Variants in SPAG16 observed in about 807,000 individuals in gnomAD.
SPAG16 encodes the protein sperm associated antigen 16, also known as sperm-associated antigen 16 protein.
A neutral mutation model predicts 80.4 loss-of-function variants in SPAG16; 86 were observed. That is an observed-to-expected ratio of 1.07 (90% CI 0.90 to 1.28). The LOEUF (loss-of-function observed/expected upper bound fraction) is 1.28, where lower values mean the gene tolerates loss of function less well. SPAG16 is among the 50% of genes most tolerant of loss of function. The probability of loss-of-function intolerance (pLI) is 0.00; values close to 1 mark genes in which losing one functional copy is unlikely to be tolerated. For missense variants in SPAG16, 870 were observed against 765.3 expected (o/e 1.14, Z -1.61); for synonymous variants, 294 against 265.9 (o/e 1.11, Z -1.03).
At chr2:213,381,098 T>C (rs2067150419) in intron 9 of SPAG16, among the ~76,000 whole-genome samples, 1 of 64,136 alleles carries the variant, frequency 1.6e-5, no homozygotes, top group Non-Finnish European at 3.5e-5. Flanking sequence ...TAAAATAGAC[T>C]TATACCACAA....
chr2:213,465,553 A>T (rs753789799), intron 9 of SPAG16, among the ~76,000 whole-genome samples: 36 of 152,182 alleles, frequency 2.4e-4, no homozygotes, highest in African/African-American at 3.9e-4. Flanking sequence ...GGAGAGCCAG[A>T]TTCTTAACTG....
intron 11 of SPAG16, among the ~76,000 whole-genome samples, chr2:213,883,972 C>T (rs968011178): frequency 6.6e-6 from 1 of 152,156 alleles, no homozygotes; most frequent in Non-Finnish European, 1.5e-5. Flanking sequence ...CCACCACTCT[C>T]TGCCTTTTAA....
intron 10 of SPAG16, among the ~76,000 whole-genome samples, chr2:213,642,290 A>G (rs1260676999): frequency 6.6e-6 from 1 of 152,170 alleles, no homozygotes; most frequent in Non-Finnish European, 1.5e-5. Flanking sequence ...AAAGTTCACA[A>G]TGTGAATCTC....
At chr2:213,473,990 T>G (rs1316255402) in intron 9 of SPAG16, among the ~76,000 whole-genome samples, 2 of 152,184 alleles carry the variant, frequency 1.3e-5, no homozygotes, top group African/African-American at 4.8e-5. Flanking sequence ...AAGTCATCAC[T>G]GTTGCTTCAG....
intron 10 of SPAG16, among the ~76,000 whole-genome samples, chr2:213,782,688 A>G (rs2070072657): frequency 1.3e-5 from 2 of 152,186 alleles, no homozygotes; most frequent in Non-Finnish European, 2.9e-5. Context: ...ACAGATGAGA[A>G]ACTGAAGGCC....
intron 3 of SPAG16, among the ~76,000 whole-genome samples, chr2:213,308,495 A>G (rs1169818663): frequency 6.6e-6 from 1 of 152,120 alleles, no homozygotes; most frequent in Non-Finnish European, 1.5e-5. Context: ...AATATGATTT[A>G]GTGTTATTCA....
At chr2:214,409,575 T>C (rs757401908) in intron 15 of SPAG16, among the ~76,000 whole-genome samples, 3 of 152,136 alleles carry the variant, frequency 2.0e-5, no homozygotes, top group Non-Finnish European at 2.9e-5. Context: ...GTAAAAACTC[T>C]CAAGTCATTT....
intron 15 of SPAG16, among the ~76,000 whole-genome samples, chr2:214,274,487 G>A (rs1048843102): frequency 1.3e-5 from 2 of 152,152 alleles, no homozygotes; most frequent in Non-Finnish European, 2.9e-5. Context: ...CTAGTTTATT[G>A]AGAGTTTTTA....
chr2:213,867,795 G>T (rs1311216004), intron 11 of SPAG16, among the ~76,000 whole-genome samples: 1 of 151,490 alleles, frequency 6.6e-6, no homozygotes, highest in African/African-American at 2.4e-5. Context: ...GTGGTGGCGG[G>T]CACCTGTAGT....
intron 10 of SPAG16, among the ~76,000 whole-genome samples, chr2:213,510,483 G>C (rs1236141982): frequency 4.6e-5 from 7 of 151,984 alleles, no homozygotes; most frequent in Non-Finnish European, 1.5e-5. Flanking sequence ...ACTTTCAATT[G>C]TGAATCTTTA....
intron 10 of SPAG16, among the ~76,000 whole-genome samples, chr2:213,528,452 T>C (rs983645799): frequency 1.3e-5 from 2 of 151,920 alleles, no homozygotes; most frequent in Non-Finnish European, 1.5e-5. Context: ...ATATATAGTA[T>C]GTAACAGATG....
intron 15 of SPAG16, chr2:214,238,854 G>A (rs1368531682): frequency 6.6e-6 from 1 of 151,984 alleles, no homozygotes; most frequent in Non-Finnish European, 1.5e-5. Context: ...TAGGAATAAA[G>A]GATATGTGAT....
At chr2:213,738,610 A>C (rs577349375) in intron 10 of SPAG16, among the ~76,000 whole-genome samples, 1 of 152,376 alleles carries the variant, frequency 6.6e-6, no homozygotes, top group African/African-American at 2.4e-5. Context: ...AGGTGCCATA[A>C]GACATTAAAA....
Position 214,076,537 on chromosome 2 carries a change from G to C in SPAG16, c.1528-31659G>C, listed in dbSNP as rs868145748. The stretch of plus-strand genomic sequence containing the variant: ...TCTGTGTGTGTGTGTGTGTGTGTGT[G>C]TGTGTCTGTGTGTGTGTGTGTGTGT... On this transcript the variant is annotated intron_variant, in intron 13 of 15. Transcript: ENST00000331683. Among the ~76,000 whole-genome samples the C allele has an allele frequency of 2.4e-3, 215 of 88,840 alleles. 2 individuals are homozygous for C. Among genetic ancestry groups the C allele is most frequent in the African/African-American group, 9.7e-3 (203 of 20,908 alleles). 58.3% of individuals were successfully genotyped at this position (88,840 alleles called of 152,430 possible). A position where few individuals can be genotyped will look rare whatever the true frequency, so the allele number is the denominator to read the frequency against.
intron 15 of SPAG16, among the ~76,000 whole-genome samples, chr2:214,277,379 A>G (rs1181436785): frequency 2.0e-5 from 3 of 152,060 alleles, no homozygotes; most frequent in East Asian, 3.9e-4. Flanking sequence ...TCGTTTTTAG[A>G]ATTTTCATCT....
chr2:213,351,690 A>G (rs1462027554), intron 7 of SPAG16, among the ~76,000 whole-genome samples: 1 of 152,152 alleles, frequency 6.6e-6, no homozygotes. Flanking sequence ...CATGATGATA[A>G]TACTCTTTTG....
chr2:213,669,622 G>A (rs1009865682), intron 10 of SPAG16, among the ~76,000 whole-genome samples: 1 of 152,024 alleles, frequency 6.6e-6, no homozygotes, highest in African/African-American at 2.4e-5. Flanking sequence ...ATCCTTTAAT[G>A]GTAAAATAGG....
intron 15 of SPAG16, among the ~76,000 whole-genome samples, chr2:214,258,486 T>TAC (rs1690879791): frequency 6.8e-6 from 1 of 147,806 alleles, no homozygotes; most frequent in Non-Finnish European, 1.5e-5. Flanking sequence ...TATATATATA[T>TAC]ATATACACAC....
At position 213,459,779 on chromosome 2, in the gene SPAG16, T is replaced by A. The variant is rs986477173; in HGVS notation, c.943-30184T>A. 5.9e-5 allele frequency among the ~76,000 whole-genome samples: 9 copies of A among 152,272 alleles called. 1 individual carries two copies. Among genetic ancestry groups the A allele is most frequent in the Admixed American group, 3.9e-4 (6 of 15,288 alleles). ...ATTATTCTTCATTACATTGTTACAT[T>A]ATCCAATGCTTTCAAACACATTTAT... On this transcript the variant is annotated intron_variant, in intron 9 of 15. Transcript: ENST00000331683.
Sources: allele counts gnomAD v4.1 joint callset (sites outside exome capture counted in the v4.1 genomes callset), GRCh38; gene constraint gnomAD v4.1.1; transcripts MANE v1.5; gene names NCBI Gene and HGNC (gene_info 2026-07-23, HGNC 2026-07-21).